COX11: variants seen among roughly 807,000 people sequenced by gnomAD.
COX11 encodes cytochrome c oxidase assembly protein COX11, mitochondrial.
COX11 carries 18 observed loss-of-function variants against 29.4 expected under a neutral mutation model. The observed-to-expected ratio is 0.61, with a 90% CI of 0.42 to 0.91. The LOEUF is 0.91. Among genes scored for constraint, COX11 ranks in the 40% least tolerant of loss-of-function variants. COX11 has a pLI of 0.00. For synonymous variants in COX11, 131 were observed against 124.0 expected (o/e 1.06, Z -0.38); for missense variants, 312 against 346.0 (o/e 0.90, Z 0.78).
At position 54,960,663 on chromosome 17, in the gene COX11, T is replaced by G. The variant is rs1252416013; in HGVS notation, c.*2070A>C. On this transcript the variant is annotated 3_prime_UTR_variant, in exon 4 of 4. Coordinates refer to ENST00000299335, the MANE Select transcript of COX11 (RefSeq NM_004375.5). ...CAACTTATACAACTTAATTCCATAT[T>G]CCATATAATTTCAGTATAATTATCA... 1 of 1,459,800 alleles carries G rather than the reference T, an allele frequency of 6.9e-7. No individual in the cohort carries two copies. Among genetic ancestry groups the G allele is most frequent in the Non-Finnish European group, 9.6e-7 (1 of 1,041,482 alleles). 90.4% of individuals were successfully genotyped at this position (1,459,800 alleles called of 1,614,324 possible). A position where few individuals can be genotyped will look rare whatever the true frequency, so the allele number is the denominator to read the frequency against.
rs1005569333 is a variant in COX11, at chr17:54,968,627, G to A, written c.20C>T (p.Pro7Leu). MGGLWRPGWRCVPFCGW... is the reference protein window; with the variant it reads MGGLWRLGWRCVPFCGW... ...ACAGAAAGGAACGCACCTCCATCCA[G>A]GACGCCAGAGCCCTCCCATAACCCT... Residue 7 changes from proline to leucine, a missense_variant, in exon 1 of 4, where the codon CCT (proline) becomes CTT (leucine). This residue lies in a region of COX11 where 130 missense variants were observed against 106.0 expected (regional missense o/e 1.23). Coordinates refer to ENST00000299335, the MANE Select transcript of COX11 (RefSeq NM_004375.5). 4 of 1,612,664 alleles carry A rather than the reference G, an allele frequency of 2.5e-6. No individual in the cohort carries two copies. The highest frequency in any genetic ancestry group is 3.4e-6 in the Non-Finnish European group (4 of 1,179,984).
At chr17:54,956,875 G>A (rs1249827992), downstream of COX11, 1 of 152,226 alleles carries the variant, frequency 6.6e-6, no homozygotes, top group Non-Finnish European at 1.5e-5. Flanking sequence ...GTCGTTGCAT[G>A]GAAAGGGGTT....
chr17:54,956,649 T>C (rs2049520063), downstream of COX11: 1 of 152,054 alleles, frequency 6.6e-6, no homozygotes, highest in African/African-American at 2.4e-5. Context: ...GGGTCTGTGT[T>C]GCCCAGGCTA....
At chr17:54,957,065 T>C (rs1189699755), downstream of COX11, 1 of 152,280 alleles carries the variant, frequency 6.6e-6, no homozygotes, top group Non-Finnish European at 1.5e-5. Flanking sequence ...GCTGGCTGCA[T>C]TCCACACAGG....
chr17:54,953,725 C>G (rs1392716883), exon 1 of COX11: 2 of 152,246 alleles, frequency 1.3e-5, no homozygotes, highest in African/African-American at 4.8e-5. Context: ...TCTTGTCTTC[C>G]TTTTCATCAG....
chr17:54,968,740 C>T (rs566917694), upstream of COX11: 4 of 1,434,654 alleles, frequency 2.8e-6, no homozygotes, highest in Admixed American at 2.2e-5. Flanking sequence ...TTGAGCCTGC[C>T]GCTGCCTTGG....
intron 3 of COX11, 142 bp downstream of exon 3, chr17:54,963,164 G>A (rs1374947573): frequency 4.3e-6 from 4 of 937,132 alleles, no homozygotes; most frequent in African/African-American, 1.7e-5. Context: ...TGCATAGCAG[G>A]TATAGATAGT....
At chr17:54,958,730 C>CAAAAAAAAAAA (rs61603848), downstream of COX11, among the ~76,000 whole-genome samples, 1 of 57,488 alleles carries the variant, frequency 1.7e-5, no homozygotes. Context: ...AACTCCATCT[C>CAAAAAAAAAAA]AAAAAAAAAA....
upstream of COX11, chr17:54,955,152 C>T (rs1423347060): frequency 2.0e-5 from 3 of 152,214 alleles, no homozygotes; most frequent in Non-Finnish European, 4.4e-5. Flanking sequence ...AGCTTGAATA[C>T]TTCTGGTCCT....
downstream of COX11, among the ~76,000 whole-genome samples, chr17:54,955,750 G>T (rs1257361188): frequency 1.3e-5 from 2 of 152,156 alleles, no homozygotes; most frequent in African/African-American, 4.8e-5. Context: ...CTTGACCTAG[G>T]TCCTAATCCT....
At chr17:54,958,623 C>T (rs769069562), downstream of COX11, among the ~76,000 whole-genome samples, 3 of 151,154 alleles carry the variant, frequency 2.0e-5, no homozygotes, top group African/African-American at 7.3e-5. Flanking sequence ...TCCAACTATT[C>T]GGGAGGATGA....
rs892563001 is a variant in COX11, at chr17:54,968,169, T to C, written c.366+112A>G. 6.1e-6 allele frequency: 9 copies of C among 1,480,114 alleles called. No homozygotes were observed. In the African/African-American group the frequency reaches 7.1e-5, roughly 12 times the overall value. 91.7% of individuals were successfully genotyped at this position (1,480,114 alleles called of 1,614,324 possible). On this transcript the variant is annotated intron_variant, in intron 1 of 3. Coordinates refer to ENST00000299335, the MANE Select transcript of COX11 (RefSeq NM_004375.5). Reference sequence around the variant, plus strand: ...AACCTCTCTCCTCTTAGGTAGATAATATCGGAAACCTCTTCCACCTACGAC... The same window carrying C: ...AACCTCTCTCCTCTTAGGTAGATAACATCGGAAACCTCTTCCACCTACGAC...
chr17:54,965,355 T>G (rs2077199197), intron 1 of COX11, among the ~76,000 whole-genome samples: 1 of 152,240 alleles, frequency 6.6e-6, no homozygotes, highest in Non-Finnish European at 1.5e-5. Context: ...ATTAACATTC[T>G]GCTTTTCTAA....
rs1288011501 is a variant in COX11, at chr17:54,968,365, C to T, written c.282G>A (p.Thr94=). Residue 94 remains threonine (T), a synonymous_variant, in exon 1 of 4, where the codon ACG becomes ACA. Coordinates refer to ENST00000299335, the MANE Select transcript of COX11 (RefSeq NM_004375.5). ...QEEERRRQNK[T]TLTYVAAVAV... Reference sequence around the variant, plus strand: ...CGACAGCGGCCACGTAAGTGAGGGTCGTCTTGTTCTGCCGCCGCCGCTCCT... The same window carrying T: ...CGACAGCGGCCACGTAAGTGAGGGTTGTCTTGTTCTGCCGCCGCCGCTCCT... 6.2e-7 allele frequency: 1 copy of T among 1,612,994 alleles called. No individual in the cohort carries two copies. Among genetic ancestry groups the T allele is most frequent in the East Asian group, 2.2e-5 (1 of 44,812 alleles).
chr17:54,956,172 T>C (rs1331585656), downstream of COX11, among the ~76,000 whole-genome samples: 1 of 152,120 alleles, frequency 6.6e-6, no homozygotes, highest in East Asian at 1.9e-4. Context: ...CTTGACAGGG[T>C]CTCACTGTGT....
intron 3 of COX11, 90 bp from the exon 4 acceptor site, chr17:54,963,005 C>T (rs1484245341): frequency 3.5e-6 from 4 of 1,159,062 alleles, no homozygotes; most frequent in African/African-American, 3.1e-5. Context: ...CATTCCAGTA[C>T]ACTTCGTGAT....
At chr17:54,952,143 A>C (rs568146879) in exon 1 of COX11, 25 of 152,314 alleles carry the variant, frequency 1.6e-4, no homozygotes, top group African/African-American at 5.8e-4. Flanking sequence ...GAAGAGGTTA[A>C]AGATGCAGGG....
chr17:54,968,490 G>A lies in COX11; in HGVS notation c.157C>T (p.Leu53Phe), dbSNP rs757342546. 1.9e-6 allele frequency: 3 copies of A among 1,613,264 alleles called. No individual in the cohort carries two copies. Among genetic ancestry groups the A allele is most frequent in the African/African-American group, 1.3e-5 (1 of 74,882 alleles). Residue 53 changes from leucine to phenylalanine, a missense_variant, in exon 1 of 4, where the codon CTT becomes TTT. By Grantham distance (22) the Leu-to-Phe change is conservative (BLOSUM62 0). Coordinates refer to ENST00000299335, the MANE Select transcript of COX11 (RefSeq NM_004375.5). ...TGGAERGLRWLGTWKRCSLRA... is the reference protein window; with the variant it reads ...TGGAERGLRWFGTWKRCSLRA... ...AGGCTGCAGCGCTTCCATGTCCCAA[G>A]CCACCTCAGTCCTCTCTCGGCACCT...
In COX11 at chr17:54,962,300, C is replaced by CT. The variant is rs1187448810; in HGVS notation, c.*432dup. 4.8e-5 allele frequency: 47 copies of CT among 986,242 alleles called. No individual in the cohort carries two copies. Among genetic ancestry groups the CT allele is most frequent in the Non-Finnish European group, 4.9e-5 (41 of 830,598 alleles). The allele number at this position is 986,242 out of a possible 1,614,324, so 61.1% of individuals were successfully genotyped here. A position where few individuals can be genotyped will look rare whatever the true frequency, so the allele number is the denominator to read the frequency against. On this transcript the variant is annotated 3_prime_UTR_variant, in exon 4 of 4. Coordinates refer to ENST00000299335, the MANE Select transcript of COX11 (RefSeq NM_004375.5). ...TAATGAAGGAAAATAGCAACCAACT[C>CT]TTTTAGACACAATAAACATGGTTAG...
Sources: gnomAD v4.1 joint callset for allele counts (sites outside exome capture counted in the v4.1 genomes callset) on GRCh38, gnomAD v4.1.1 for gene constraint, gnomAD v4.1.1 regional missense constraint, MANE v1.5 for transcripts, NCBI Gene and HGNC (gene_info 2026-07-23, HGNC 2026-07-21) for gene names.